TRIM37: variants seen among roughly 807,000 people sequenced by gnomAD.
TRIM37 encodes tripartite motif containing 37.
TRIM37 carries 80 observed loss-of-function variants against 129.8 expected under a neutral mutation model. That is an observed-to-expected ratio of 0.62 (90% CI 0.51 to 0.74). The LOEUF (loss-of-function observed/expected upper bound fraction) is 0.74, where lower values mean the gene tolerates loss of function less well. Among genes scored for constraint, TRIM37 ranks in the 30% least tolerant of loss-of-function variants. The pLI, the probability that TRIM37 is intolerant of heterozygous loss-of-function variation, is 0.00. For synonymous variants in TRIM37, 389 were observed against 387.1 expected, an observed-to-expected ratio of 1.00 and a Z score of -0.06; for missense variants, 1,054 against 1,176.5, an observed-to-expected ratio of 0.90 and a Z score of 1.52.
In TRIM37 at chr17:59,056,858, C is replaced by A; in HGVS notation, c.1199+17G>T. On this transcript the variant is annotated intron_variant, in intron 13 of 23. Coordinates refer to ENST00000262294, the MANE Select transcript of TRIM37 (RefSeq NM_015294.6). ...TTCCCCACAATAAAAACCACAACAT[C>A]AAATTTTTCCTGTTACCTTAAAATC... is the stretch of plus-strand genomic sequence containing the variant. 1 of 1,547,212 alleles carries A rather than the reference C, an allele frequency of 6.5e-7. No individual in the cohort carries two copies. The highest frequency in any genetic ancestry group is 8.8e-7 in the Non-Finnish European group (1 of 1,137,998).
intron 13 of TRIM37, among the ~76,000 whole-genome samples, chr17:59,051,879 C>T (rs917919062): frequency 2.3e-4 from 35 of 152,002 alleles, no homozygotes; most frequent in South Asian, 2.1e-4. Context: ...TACAGGCGCC[C>T]GCCACTACGC....
intron 19 of TRIM37, among the ~76,000 whole-genome samples, chr17:59,021,982 A>C (rs1029444555): frequency 3.3e-5 from 5 of 152,178 alleles, no homozygotes; most frequent in African/African-American, 1.2e-4. Flanking sequence ...AGGCTGTTAA[A>C]GTTCTAACTC....
At chr17:59,062,795 G>A (rs866360147) in intron 10 of TRIM37, 147 bp from the exon 11 acceptor site, 10 of 694,384 alleles carry the variant, frequency 1.4e-5, no homozygotes, top group Middle Eastern at 4.8e-4. Flanking sequence ...AAATTCCACT[G>A]TAAAAGTTTA....
At chr17:59,056,214 T>G (rs1187902731) in intron 13 of TRIM37, among the ~76,000 whole-genome samples, 1 of 152,084 alleles carries the variant, frequency 6.6e-6, no homozygotes, top group Non-Finnish European at 1.5e-5. Flanking sequence ...CCCTTTTTTT[T>G]TTCTTTTTAA....
intron 9 of TRIM37, among the ~76,000 whole-genome samples, chr17:59,068,409 C>T (rs1194839869): frequency 6.6e-6 from 1 of 152,182 alleles, no homozygotes; most frequent in Non-Finnish European, 1.5e-5. Context: ...CTTAGGTCAT[C>T]CATGCACCAC....
rs925895145 is a variant in TRIM37 at position 58,983,201 on chromosome 17, T to C, written c.2892-280A>G. On this transcript the variant is annotated intron_variant, in intron 24 of 24. Transcript: ENST00000393066. Reference sequence around the variant, plus strand: ...CACAGCAGTGTTAACTCATTTCTCATGCCATTAGCTCTCTACAAAATAAAG... The same window carrying C: ...CACAGCAGTGTTAACTCATTTCTCACGCCATTAGCTCTCTACAAAATAAAG... 9.0e-6 allele frequency: 3 copies of C among 334,162 alleles called. No individual in the cohort carries two copies. The East Asian group carries it at 1.5e-4, about 16-fold the overall frequency. The allele number at this position is 334,162 out of a possible 1,614,324, so 20.7% of individuals were successfully genotyped here.
At chr17:59,050,692 T>A (rs1002783828) in intron 14 of TRIM37, among the ~76,000 whole-genome samples, 1 of 151,644 alleles carries the variant, frequency 6.6e-6, no homozygotes, top group Non-Finnish European at 1.5e-5. Context: ...AAAATAAAAA[T>A]AAAGTGGCAG....
chr17:59,033,970 G>A (rs544024525), intron 17 of TRIM37, among the ~76,000 whole-genome samples: 2 of 151,876 alleles, frequency 1.3e-5, no homozygotes, highest in Non-Finnish European at 2.9e-5. Flanking sequence ...AGCCAGGTGT[G>A]GTGGCAGGCA....
chr17:59,058,683 C>A (rs951866360), intron 12 of TRIM37, among the ~76,000 whole-genome samples: 1 of 151,972 alleles, frequency 6.6e-6, no homozygotes, highest in Non-Finnish European at 1.5e-5. Context: ...CATGGCGAAA[C>A]CCCGTCTCCA....
At position 59,086,975 on chromosome 17, in the gene TRIM37, A is replaced by G. The variant is rs1726073812; in HGVS notation, c.281+1316T>C. 2.6e-5 allele frequency among the ~76,000 whole-genome samples: 4 copies of G among 152,368 alleles called. No individual in the cohort carries two copies. The South Asian group carries it at 8.3e-4, about 32-fold the overall frequency. Reference sequence around the variant, plus strand: ...GAGGAAAAACACCTAAGTGTTCACCAAAGAAATGTGCCATTGTATAGAAAA... The same window carrying G: ...GAGGAAAAACACCTAAGTGTTCACCGAAGAAATGTGCCATTGTATAGAAAA... On this transcript the variant is annotated intron_variant, in intron 4 of 23. Coordinates refer to ENST00000262294, the MANE Select transcript of TRIM37 (RefSeq NM_015294.6).
At chr17:59,020,230 C>CAAAAAAAAAAA (rs58159558) in intron 19 of TRIM37, among the ~76,000 whole-genome samples, 1 of 32,044 alleles carries the variant, frequency 3.1e-5, no homozygotes, top group African/African-American at 1.3e-4. Context: ...GACTCTGTCT[C>CAAAAAAAAAAA]AAAAAAAAAA....
At chr17:59,067,239 T>C (rs905024817) in intron 9 of TRIM37, among the ~76,000 whole-genome samples, 1 of 152,214 alleles carries the variant, frequency 6.6e-6, no homozygotes, top group Non-Finnish European at 1.5e-5. Context: ...ACTGATGTTA[T>C]CATTCTGTGT....
intron 5 of TRIM37, among the ~76,000 whole-genome samples, chr17:59,082,528 A>G (rs2043389415): frequency 6.6e-6 from 1 of 152,204 alleles, no homozygotes; most frequent in African/African-American, 2.4e-5. Flanking sequence ...ACTTGAAGAA[A>G]AAGCCCAGGA....
chr17:59,076,272 G>A (rs1049933167), intron 7 of TRIM37, among the ~76,000 whole-genome samples: 1 of 152,240 alleles, frequency 6.6e-6, no homozygotes, highest in African/African-American at 2.4e-5. Flanking sequence ...CCGGGGCCAT[G>A]GCTCATGCCT....
rs1248214002 is a variant in TRIM37 at position 59,055,148 on chromosome 17, T to C, written c.1199+1727A>G. ...GGTCGGGAGTTAGAAACCAGCCTGA[T>C]CAACACGGAGAAACCCCATCTCTAC... On this transcript the variant is annotated intron_variant, in intron 13 of 23. Transcript: ENST00000262294. 6.0e-5 allele frequency among the ~76,000 whole-genome samples: 9 copies of C among 151,166 alleles called. No individual in the cohort carries two copies. In the East Asian group the frequency reaches 1.8e-3, roughly 30 times the overall value.
Position 58,987,417 on chromosome 17 carries a change from G to A in TRIM37, c.2892-4496C>T, listed in dbSNP as rs568114363. 6.6e-5 allele frequency among the ~76,000 whole-genome samples: 10 copies of A among 152,290 alleles called. No individual in the cohort carries two copies. In the East Asian group the frequency reaches 1.5e-3, roughly 24 times the overall value. On this transcript the variant is annotated intron_variant, in intron 24 of 24. Transcript: ENST00000393066. ...AGACACTGACTGACCTGAAGGTCTC[G>A]GGCAAGGACTCTGGCCCGCAGGGTC...
At chr17:59,026,638 G>T (rs1020174371) in intron 19 of TRIM37, among the ~76,000 whole-genome samples, 1 of 152,060 alleles carries the variant, frequency 6.6e-6, no homozygotes, top group Non-Finnish European at 1.5e-5. Flanking sequence ...ACACAAAAAA[G>T]GACACCCCTG....
chr17:59,046,830 G>A (rs1366454445), intron 16 of TRIM37, among the ~76,000 whole-genome samples: 2 of 148,776 alleles, frequency 1.3e-5, no homozygotes, highest in African/African-American at 4.9e-5. Context: ...GTGAGCCACC[G>A]TGCCCAGCCG....
chr17:59,020,230 C>CAAAAAAAAAAAAA (rs58159558), intron 19 of TRIM37, among the ~76,000 whole-genome samples: 1 of 32,056 alleles, frequency 3.1e-5, no homozygotes. Flanking sequence ...GACTCTGTCT[C>CAAAAAAAAAAAAA]AAAAAAAAAA....
Sources: gnomAD v4.1 joint callset for allele counts (sites outside exome capture counted in the v4.1 genomes callset) on GRCh38, gnomAD v4.1.1 for gene constraint, MANE v1.5 for transcripts, NCBI Gene and HGNC (gene_info 2026-07-23, HGNC 2026-07-21) for gene names.